Variants in TAFA1 observed in about 807,000 individuals in gnomAD.
TAFA1 encodes TAFA chemokine like family member 1.
TAFA1 carries 4 observed loss-of-function variants against 18.5 expected under a neutral mutation model. That is an observed-to-expected ratio of 0.22 (90% CI 0.11 to 0.49). TAFA1 has a LOEUF of 0.49. TAFA1 is among the 20% of genes least tolerant of loss of function. The pLI is 0.98. For missense variants in TAFA1, 147 were observed against 169.0 expected (o/e 0.87, Z 0.72); for synonymous variants, 56 against 55.2 (o/e 1.01, Z -0.06).
chr3:68,046,012 G>A (rs1224845810), intron 2 of TAFA1, among the ~76,000 whole-genome samples: 1 of 152,044 alleles, frequency 6.6e-6, no homozygotes, highest in Non-Finnish European at 1.5e-5. Context: ...TGCCCCCCTG[G>A]AAGTATCTTT....
At chr3:68,240,190 A>C (rs77503181) in intron 2 of TAFA1, among the ~76,000 whole-genome samples, 1 of 152,094 alleles carries the variant, frequency 6.6e-6, no homozygotes, top group East Asian at 1.9e-4. Flanking sequence ...AAGAATACTC[A>C]TATCTTCTTC....
At chr3:67,993,957 G>A in the TAFA1 span, among the ~76,000 whole-genome samples, 2 of 152,214 alleles carry the variant, frequency 1.3e-5, no homozygotes, top group East Asian at 1.9e-4. Context: ...TATATATTCA[G>A]CAACATCATT....
chr3:68,432,205 A>G (rs2071188079), intron 3 of TAFA1, among the ~76,000 whole-genome samples: 1 of 151,900 alleles, frequency 6.6e-6, no homozygotes, highest in Non-Finnish European at 1.5e-5. Context: ...AGAAGCTGGG[A>G]AGGACAACAG....
At chr3:68,430,838 T>C (rs1341976591) in intron 3 of TAFA1, among the ~76,000 whole-genome samples, 1 of 151,868 alleles carries the variant, frequency 6.6e-6, no homozygotes, top group Non-Finnish European at 1.5e-5. Context: ...AACAAAACTT[T>C]TGGATGGAAA....
rs115232589 is a variant in TAFA1 at position 68,225,701 on chromosome 3, C to T, written c.119-191579C>T. Among the ~76,000 whole-genome samples the T allele has an allele frequency of 3.4e-3, 524 of 152,230 alleles. 1 individual carries two copies. The highest frequency in any genetic ancestry group is 6.2e-3 in the Non-Finnish European group (422 of 68,012). ...TCTCTATTATTTACTTATTATAAAACGTCAGGCAAGGTATTTCACTTCTCT... is the reference window on the plus strand; with the variant it reads ...TCTCTATTATTTACTTATTATAAAATGTCAGGCAAGGTATTTCACTTCTCT... On this transcript the variant is annotated intron_variant, in intron 2 of 4. Coordinates refer to ENST00000478136, the MANE Select transcript of TAFA1 (RefSeq NM_213609.4).
At position 68,262,315 on chromosome 3, in the gene TAFA1, A is replaced by G. The variant is rs1247112995; in HGVS notation, c.119-154965A>G. ...TATTTTAGATATGGAGGGTATATAT[A>G]TATATATATATATATATATATATAT... On this transcript the variant is annotated intron_variant, in intron 2 of 4. Transcript: ENST00000478136. 1.1e-3 allele frequency among the ~76,000 whole-genome samples: 32 copies of G among 28,766 alleles called. 1 individual carries two copies. Among genetic ancestry groups the G allele is most frequent in the African/African-American group, 5.6e-3 (31 of 5,492 alleles). The allele number at this position is 28,766 out of a possible 152,430, so 18.9% of individuals were successfully genotyped here. A position where few individuals can be genotyped will look rare whatever the true frequency, so the allele number is the denominator to read the frequency against.
intron 3 of TAFA1, among the ~76,000 whole-genome samples, chr3:68,512,172 G>A (rs2072856982): frequency 6.6e-6 from 1 of 152,062 alleles, no homozygotes; most frequent in African/African-American, 2.4e-5. Context: ...ATGCACAGAG[G>A]AGTGTACCAA....
chr3:68,137,414 G>A (rs1350962635), intron 2 of TAFA1, among the ~76,000 whole-genome samples: 25 of 152,256 alleles, frequency 1.6e-4, no homozygotes, highest in Non-Finnish European at 1.5e-5. Flanking sequence ...TTGACTTTAA[G>A]CTGAGAAAGT....
chr3:68,498,721 GCTTTTTTTTT>G (rs1200111163), intron 3 of TAFA1, among the ~76,000 whole-genome samples: 11 of 101,692 alleles, frequency 1.1e-4, no homozygotes, highest in African/African-American at 5.3e-4. Context: ...CCGTTTGGTG[GCTTTTTTTTT>G]TTTTTTTTTT....
chr3:68,146,485 A>C (rs2065743194), intron 2 of TAFA1, among the ~76,000 whole-genome samples: 1 of 152,206 alleles, frequency 6.6e-6, no homozygotes, highest in Non-Finnish European at 1.5e-5. Flanking sequence ...TCAACACCCA[A>C]AGGACTGTGG....
chr3:68,189,711 G>C (rs1167338716), intron 2 of TAFA1, among the ~76,000 whole-genome samples: 1 of 151,930 alleles, frequency 6.6e-6, no homozygotes, highest in Non-Finnish European at 1.5e-5. Flanking sequence ...AAGTCTCTGA[G>C]CCTCAGTTTC....
intron 3 of TAFA1, among the ~76,000 whole-genome samples, chr3:68,535,395 AAAC>A (rs2073261662): frequency 6.6e-6 from 1 of 152,088 alleles, no homozygotes; most frequent in African/African-American, 2.4e-5. Context: ...AAAAAAAAAA[AAAC>A]AACTTTAAAC....
At chr3:68,173,033 A>AT (rs962533900) in intron 2 of TAFA1, among the ~76,000 whole-genome samples, 5 of 151,858 alleles carry the variant, frequency 3.3e-5, no homozygotes, top group South Asian at 4.2e-4. Context: ...AAATCTGAGG[A>AT]TTTTTTTTAA....
At chr3:68,512,649 T>G (rs930004670) in intron 3 of TAFA1, among the ~76,000 whole-genome samples, 2 of 151,458 alleles carry the variant, frequency 1.3e-5, no homozygotes, top group Non-Finnish European at 2.9e-5. Flanking sequence ...GAAAAGAGGG[T>G]AAAAGAGTTC....
At chr3:68,342,006 T>C (rs1469611303) in intron 2 of TAFA1, among the ~76,000 whole-genome samples, 1 of 152,194 alleles carries the variant, frequency 6.6e-6, no homozygotes, top group Admixed American at 6.5e-5. Flanking sequence ...AATGGGATCT[T>C]GCTGAAGAAA....
intron 2 of TAFA1, among the ~76,000 whole-genome samples, chr3:68,080,449 T>C (rs958316937): frequency 2.0e-5 from 3 of 152,332 alleles, no homozygotes; most frequent in Non-Finnish European, 4.4e-5. Context: ...CAATGGCTGG[T>C]ACCGGTTGTT....
chr3:68,381,272 T>C (rs1175059707), intron 2 of TAFA1, among the ~76,000 whole-genome samples: 1 of 151,628 alleles, frequency 6.6e-6, no homozygotes, highest in Non-Finnish European at 1.5e-5. Flanking sequence ...TGGTTCCATA[T>C]GAACTTTAAA....
chr3:68,180,011 T>TA (rs1430969498), intron 2 of TAFA1, among the ~76,000 whole-genome samples: 5 of 112,568 alleles, frequency 4.4e-5, no homozygotes, highest in East Asian at 2.3e-4. Flanking sequence ...TAACACATAA[T>TA]TTTATTATTA....
rs142522539 is a variant in TAFA1, at chr3:68,009,376, A to G, written c.118+2632A>G. Among the ~76,000 whole-genome samples the G allele has an allele frequency of 1.4e-3, 213 of 152,326 alleles. 1 individual carries two copies. The highest frequency in any genetic ancestry group is 4.7e-3 in the African/African-American group (195 of 41,566). On this transcript the variant is annotated intron_variant, in intron 2 of 4. Coordinates refer to ENST00000478136, the MANE Select transcript of TAFA1 (RefSeq NM_213609.4). ...ATACCGTAGTTTAAAACTGAGAATC[A>G]CATATTAGGTTCTGGCTGAAATTAA...
Sources: gnomAD v4.1 joint callset for allele counts (sites outside exome capture counted in the v4.1 genomes callset) on GRCh38, gnomAD v4.1.1 for gene constraint, MANE v1.5 for transcripts, NCBI Gene and HGNC (gene_info 2026-07-23, HGNC 2026-07-21) for gene names.